Variants in DCBLD2 observed in about 807,000 individuals in gnomAD.
The protein encoded by DCBLD2 is discoidin, CUB and LCCL domain containing 2, also known as discoidin, CUB and LCCL domain-containing protein 2.
Under a neutral mutation model 86.8 loss-of-function variants are expected in DCBLD2, and 54 were observed. That is an observed-to-expected ratio of 0.62 (90% CI 0.50 to 0.78). The LOEUF (loss-of-function observed/expected upper bound fraction) is 0.78. Among genes scored for constraint, DCBLD2 ranks in the 30% least tolerant of loss-of-function variants. The pLI, the probability that DCBLD2 is intolerant of heterozygous loss-of-function variation, is 0.00. For missense variants in DCBLD2, 908 were observed against 954.2 expected, an observed-to-expected ratio of 0.95 and a Z score of 0.64; for synonymous variants, 354 against 341.3, an observed-to-expected ratio of 1.04 and a Z score of -0.41.
At chr3:98,823,124 C>T (rs1576164232) in intron 4 of DCBLD2, among the ~76,000 whole-genome samples, 4 of 152,188 alleles carry the variant, frequency 2.6e-5, no homozygotes, top group Admixed American at 6.5e-5. Flanking sequence ...CCGCCCACCT[C>T]GGCCTCCCAA....
chr3:98,866,598 C>G (rs896217599), intron 2 of DCBLD2, among the ~76,000 whole-genome samples: 2 of 152,116 alleles, frequency 1.3e-5, no homozygotes, highest in African/African-American at 4.8e-5. Flanking sequence ...TGTAGATTCT[C>G]AATATTAGCC....
chr3:98,832,302 A>G (rs1254340156), intron 3 of DCBLD2, among the ~76,000 whole-genome samples: 1 of 152,066 alleles, frequency 6.6e-6, no homozygotes, highest in African/African-American at 2.4e-5. Context: ...ATTTTCCTCC[A>G]TCCCTTTATT....
At chr3:98,844,073 G>T (rs1166283186) in intron 3 of DCBLD2, among the ~76,000 whole-genome samples, 1 of 83,356 alleles carries the variant, frequency 1.2e-5, no homozygotes, top group Non-Finnish European at 2.7e-5. Context: ...CCCCAATTAT[G>T]GTACATATGA....
chr3:98,819,848 T>G (rs897801108), intron 7 of DCBLD2, among the ~76,000 whole-genome samples: 1 of 152,198 alleles, frequency 6.6e-6, no homozygotes, highest in African/African-American at 2.4e-5. Flanking sequence ...AAACAGAAAT[T>G]TATTCATTGC....
intron 4 of DCBLD2, 96 bp from the exon 5 acceptor site, chr3:98,822,837 A>G: frequency 9.7e-7 from 1 of 1,033,032 alleles, no homozygotes; most frequent in Non-Finnish European, 1.4e-6. Context: ...TTTTCAGTTC[A>G]AGGTGAATAC....
rs1349166120 is a variant in DCBLD2 at position 98,798,983 on chromosome 3, T to C, written c.*389A>G. 2 of 159,198 alleles carry C rather than the reference T, an allele frequency of 1.3e-5. No individual in the cohort carries two copies. Among genetic ancestry groups the C allele is most frequent in the African/African-American group, 2.4e-5 (1 of 41,596 alleles). The allele number at this position is 159,198 out of a possible 1,614,324, so 9.9% of individuals were successfully genotyped here. ...GACTAGAATTTCAAGCCATTAGGTA[T>C]TTCAAGAACAGTACCGTGCGTTATT... On this transcript the variant is annotated 3_prime_UTR_variant, in exon 16 of 16. Coordinates refer to ENST00000326840, the MANE Select transcript of DCBLD2 (RefSeq NM_080927.4).
chr3:98,818,189 G>C (rs573483923), intron 8 of DCBLD2, among the ~76,000 whole-genome samples: 1 of 151,922 alleles, frequency 6.6e-6, no homozygotes, highest in Non-Finnish European at 1.5e-5. Context: ...TGACTTCCTG[G>C]GAATGAACAG....
chr3:98,847,422 C>A (rs1321894355), intron 3 of DCBLD2, among the ~76,000 whole-genome samples: 3 of 152,162 alleles, frequency 2.0e-5, no homozygotes, highest in African/African-American at 7.2e-5. Flanking sequence ...GTTTCTAGTT[C>A]TTTTCTATTA....
rs772059581 is a variant in DCBLD2, at chr3:98,881,505, G to GTAT, written c.433+32_433+34dup. 3.9e-6 allele frequency: 6 copies of GTAT among 1,533,976 alleles called. No homozygotes were observed. The African/African-American group carries it at 8.2e-5, about 21-fold the overall frequency. On this transcript the variant is annotated intron_variant, in intron 2 of 15. Transcript: ENST00000326840. ...AAAAATACATCATTGAGACAATGAT[G>GTAT]TATTTACATGTACATTTACAAAAAA... is the stretch of plus-strand genomic sequence containing the variant.
intron 1 of DCBLD2, among the ~76,000 whole-genome samples, chr3:98,896,398 A>G (rs1943750769): frequency 6.6e-6 from 1 of 152,276 alleles, no homozygotes; most frequent in Admixed American, 6.5e-5. Flanking sequence ...ATTAAATACA[A>G]TAACAGCTCT....
intron 3 of DCBLD2, among the ~76,000 whole-genome samples, chr3:98,829,131 G>C (rs968824069): frequency 6.6e-6 from 1 of 152,032 alleles, no homozygotes; most frequent in South Asian, 2.1e-4. Context: ...AAAAATCAAT[G>C]AATTGTATAT....
chr3:98,896,447 TATG>T (rs1481853613), intron 1 of DCBLD2, among the ~76,000 whole-genome samples: 2 of 152,236 alleles, frequency 1.3e-5, no homozygotes, highest in African/African-American at 4.8e-5. Flanking sequence ...CTGAATGTCT[TATG>T]ATAAAATTTT....
chr3:98,876,643 TG>T (rs1382676910), intron 2 of DCBLD2, among the ~76,000 whole-genome samples: 2 of 152,158 alleles, frequency 1.3e-5, no homozygotes, highest in Non-Finnish European at 2.9e-5. Context: ...AATTTAGCAA[TG>T]TCTAACAAAG....
At chr3:98,844,206 T>C (rs1481063736) in intron 3 of DCBLD2, among the ~76,000 whole-genome samples, 4 of 152,128 alleles carry the variant, frequency 2.6e-5, no homozygotes, top group African/African-American at 9.7e-5. Context: ...AAATGTCCAG[T>C]TCCTCCTAGA....
At chr3:98,839,179 TCTTC>T (rs1220136123) in intron 3 of DCBLD2, among the ~76,000 whole-genome samples, 3,410 of 113,104 alleles carry the variant, frequency 0.03, 153 homozygotes, top group African/African-American at 0.12. Context: ...TTCCTTTCTT[TCTTC>T]CTTCCTTCCT....
At chr3:98,834,207 G>A (rs1942381730) in intron 3 of DCBLD2, among the ~76,000 whole-genome samples, 1 of 149,214 alleles carries the variant, frequency 6.7e-6, no homozygotes, top group South Asian at 2.1e-4. Flanking sequence ...CTATTTTGGG[G>A]AGTACATATG....
Position 98,881,737 on chromosome 3 carries a change from G to A in DCBLD2, c.236C>T (p.Pro79Leu). The A allele has an allele frequency of 6.2e-7, 1 of 1,613,762 alleles. No individual in the cohort carries two copies. The highest frequency in any genetic ancestry group is 8.5e-7 in the Non-Finnish European group (1 of 1,179,836). Residue 79 changes from proline (P) to leucine (L), a missense_variant, in exon 2 of 16, where the codon CCT (proline) becomes CTT (leucine). Coordinates refer to ENST00000326840, the MANE Select transcript of DCBLD2 (RefSeq NM_080927.4). ...TATGGATGTAAGGGTTCCACTCTCA[G>A]GGCCTAGTACAGTGTGTCCACATCC... ...GDGCGHTVLG[P>L]ESGTLTSINY...
chr3:98,817,624 G>T, intron 9 of DCBLD2, 145 bp downstream of exon 9: 1 of 671,518 alleles, frequency 1.5e-6, no homozygotes, highest in Non-Finnish European at 2.3e-6. Flanking sequence ...GTAGAGTAAG[G>T]CCAATAACAC....
rs1941673472 is a variant in DCBLD2, at chr3:98,799,454, A to G, written c.2246T>C (p.Val749Ala). Reference protein sequence around the residue: ...KPGLPAPDELVYQVPQSTQEV... With the variant: ...KPGLPAPDELAYQVPQSTQEV... ...TTGTGTGCTCTGTGGCACCTGGTACACCAATTCGTCTGGGGCAGGTAGACC... is the reference window on the plus strand; with the variant it reads ...TTGTGTGCTCTGTGGCACCTGGTACGCCAATTCGTCTGGGGCAGGTAGACC... Residue 749 changes from valine (V) to alanine (A), a missense_variant, in exon 16 of 16, where the codon GTG (valine) becomes GCG (alanine). This residue lies in a region of DCBLD2 where 606 missense variants were observed against 678.5 expected (regional missense o/e 0.89). Coordinates refer to ENST00000326840, the MANE Select transcript of DCBLD2 (RefSeq NM_080927.4). 1.2e-6 allele frequency: 2 copies of G among 1,613,960 alleles called. No homozygotes were observed.
Sources: allele counts gnomAD v4.1 joint callset (sites outside exome capture counted in the v4.1 genomes callset), GRCh38; gene constraint gnomAD v4.1.1; regional missense constraint gnomAD v4.1.1; transcripts MANE v1.5; gene names NCBI Gene and HGNC (gene_info 2026-07-23, HGNC 2026-07-21).